RBM34: variants seen among roughly 807,000 people sequenced by gnomAD.
RBM34 encodes the protein RNA binding motif protein 34.
Under a neutral mutation model 44.6 loss-of-function variants are expected in RBM34, and 39 were observed. That is an observed-to-expected ratio of 0.87 (90% CI 0.68 to 1.14). RBM34 has a LOEUF of 1.14. RBM34 is among the 50% of genes most tolerant of loss of function. The pLI is 0.00. For synonymous variants in RBM34, 194 were observed against 184.0 expected (o/e 1.05, Z -0.44); for missense variants, 572 against 517.9 (o/e 1.10, Z -1.01).
chr1:235,138,593 C>G (rs1661536438), intron 6 of RBM34, among the ~76,000 whole-genome samples: 1 of 152,170 alleles, frequency 6.6e-6, no homozygotes, highest in African/African-American at 2.4e-5. Context: ...AGTGAATTAA[C>G]AACAGCTCAA....
chr1:235,149,526 T>G (rs1240276976), intron 5 of RBM34, among the ~76,000 whole-genome samples: 2 of 152,136 alleles, frequency 1.3e-5, no homozygotes, highest in Non-Finnish European at 2.9e-5. Context: ...ATCACCTGTA[T>G]CTCTAAGAGT....
At chr1:235,137,988 G>C in intron 7 of RBM34, 48 bp from the exon 8 acceptor site, 1 of 1,545,606 alleles carries the variant, frequency 6.5e-7, no homozygotes, top group South Asian at 1.1e-5. Context: ...ATGAGCACTC[G>C]ATTACTAAAA....
rs1329108068 is a variant in RBM34 at position 235,131,957 on chromosome 1, G to A, written c.1049C>T (p.Ser350Phe). The change falls in exon 11 of 11, where the codon TCT (serine) becomes TTT (phenylalanine). Residue 350 changes from serine to phenylalanine, a missense_variant. Physicochemically the swap from Ser to Phe is radical, Grantham distance 155. Coordinates refer to ENST00000408888, the MANE Select transcript of RBM34 (RefSeq NM_015014.4). ...TCTGAGTTTTCTCCCCATGAGTTCAGAATTATTTAATTTCAGAGCAAGATG... is the reference window on the plus strand; with the variant it reads ...TCTGAGTTTTCTCCCCATGAGTTCAAAATTATTTAATTTCAGAGCAAGATG... Reference protein sequence around the residue: ...SVHLALKLNNSELMGRKLRVM... With the variant: ...SVHLALKLNNFELMGRKLRVM... 1.9e-6 allele frequency: 3 copies of A among 1,605,008 alleles called. No homozygotes were observed. The highest frequency in any genetic ancestry group is 2.2e-5 in the South Asian group (2 of 89,966).
At chr1:235,148,267 C>T in intron 6 of RBM34, 137 bp downstream of exon 6, 1 of 524,790 alleles carries the variant, frequency 1.9e-6, no homozygotes, top group Admixed American at 4.2e-5. Flanking sequence ...CTCTCAAATA[C>T]AGAAGCAAAC....
chr1:235,156,620 T>C (rs1259615779), intron 3 of RBM34: 1 of 457,608 alleles, frequency 2.2e-6, no homozygotes, highest in South Asian at 1.6e-5. Flanking sequence ...AAACGGTAAA[T>C]ACAATATAAA....
chr1:235,155,342 CTCT>C (rs954571180), intron 3 of RBM34, among the ~76,000 whole-genome samples: 4 of 151,704 alleles, frequency 2.6e-5, no homozygotes, highest in Non-Finnish European at 5.9e-5. Flanking sequence ...AAAAGTTAAG[CTCT>C]TTTTTTTTTT....
intron 4 of RBM34, among the ~76,000 whole-genome samples, chr1:235,154,409 C>T (rs1162767410): frequency 6.9e-6 from 1 of 145,814 alleles, no homozygotes; most frequent in Non-Finnish European, 1.5e-5. Flanking sequence ...AAAAAAAACA[C>T]AAAAATTAGC....
At chr1:235,159,212 C>CAAAAAAAAA (rs1352095926) in intron 3 of RBM34, among the ~76,000 whole-genome samples, 1 of 84,630 alleles carries the variant, frequency 1.2e-5, no homozygotes, top group Non-Finnish European at 2.5e-5. Context: ...GACCTTGTCT[C>CAAAAAAAAA]AAAAAAAAAA....
intron 6 of RBM34, among the ~76,000 whole-genome samples, chr1:235,145,343 T>C (rs1015238552): frequency 6.0e-5 from 9 of 151,184 alleles, no homozygotes; most frequent in Admixed American, 4.0e-4. Context: ...AGTGGTGCAA[T>C]CATGGTTCAC....
chr1:235,138,022 A>T, intron 7 of RBM34, 69 bp downstream of exon 7: 1 of 1,540,964 alleles, frequency 6.5e-7, no homozygotes, highest in Non-Finnish European at 8.9e-7. Flanking sequence ...GTGAAACCAA[A>T]GAATAAAAAA....
At chr1:235,153,809 G>A (rs941631852) in intron 4 of RBM34, among the ~76,000 whole-genome samples, 13 of 152,180 alleles carry the variant, frequency 8.5e-5, no homozygotes, top group African/African-American at 2.9e-4. Context: ...GCTAAGGATT[G>A]CAACAGTTAC....
chr1:235,139,860 G>C (rs1347598180), intron 6 of RBM34, among the ~76,000 whole-genome samples: 1 of 152,178 alleles, frequency 6.6e-6, no homozygotes, highest in Non-Finnish European at 1.5e-5. Flanking sequence ...AAAATGCTGG[G>C]CACCAGACAA....
In RBM34 at chr1:235,149,388, CA is replaced by C. The variant is rs1171671362; in HGVS notation, c.658-942del. 5.7e-3 allele frequency among the ~76,000 whole-genome samples: 330 copies of C among 57,990 alleles called. 1 individual carries two copies. The highest frequency in any genetic ancestry group is 0.029 in the East Asian group (51 of 1,762). 38.0% of individuals were successfully genotyped at this position (57,990 alleles called of 152,430 possible). ...TGGGCGACAGAACGAGACTCCGTCT[CA>C]AAAAAAAAAAAAAAAAAAGGAAAAA... is the stretch of plus-strand genomic sequence containing the variant. On this transcript the variant is annotated intron_variant, in intron 5 of 10. Coordinates refer to ENST00000408888, the MANE Select transcript of RBM34 (RefSeq NM_015014.4).
chr1:235,135,541 G>A, intron 10 of RBM34, 111 bp downstream of exon 10: 1 of 980,226 alleles, frequency 1.0e-6, no homozygotes. Context: ...GTTTTCTTAA[G>A]ATGGAATTTG....
chr1:235,143,673 G>T (rs1190658538), intron 6 of RBM34, among the ~76,000 whole-genome samples: 1 of 152,176 alleles, frequency 6.6e-6, no homozygotes, highest in African/African-American at 2.4e-5. Flanking sequence ...GGGAGGTAGA[G>T]GTTGCAATTA....
intron 6 of RBM34, among the ~76,000 whole-genome samples, chr1:235,143,906 C>T (rs541277463): frequency 6.6e-6 from 1 of 152,208 alleles, no homozygotes; most frequent in East Asian, 1.9e-4. Flanking sequence ...CAGACAGGCA[C>T]GGTGGCTCAA....
rs1377118614 is a variant in RBM34, at chr1:235,131,798, AT to A, written c.1207del (p.Ile403LeufsTer50). ...TTTAAGGAGAACAGCTTTTTCTCCA[AT>A]AAATAAGCTTTTAGGATGTCCTTCT... ...TAEGHPKSLFIGEKAVLLKTK... is the reference protein window; with the variant it reads ...TAEGHPKSLFXGEKAVLLKTK... On this transcript the variant is annotated frameshift_variant, in exon 11 of 11. Transcript: ENST00000408888. LOFTEE classifies it high-confidence loss of function. The A allele has an allele frequency of 1.9e-6, 3 of 1,614,056 alleles. No individual in the cohort carries two copies. The highest frequency in any genetic ancestry group is 2.5e-6 in the Non-Finnish European group (3 of 1,179,992).
intron 6 of RBM34, among the ~76,000 whole-genome samples, chr1:235,146,999 G>A (rs1308855617): frequency 1.3e-5 from 2 of 152,206 alleles, no homozygotes; most frequent in African/African-American, 4.8e-5. Context: ...AGAAGGCTGA[G>A]GCAGAAGGAT....
chr1:235,155,201 G>C, intron 3 of RBM34, 89 bp from the exon 4 acceptor site: 2 of 1,027,956 alleles, frequency 1.9e-6, no homozygotes, highest in Non-Finnish European at 2.9e-6. Flanking sequence ...CTCCCGACTA[G>C]AAATATTTCC....
Sources: allele counts gnomAD v4.1 joint callset (sites outside exome capture counted in the v4.1 genomes callset), GRCh38; gene constraint gnomAD v4.1.1; transcripts MANE v1.5; gene names NCBI Gene and HGNC (gene_info 2026-07-23, HGNC 2026-07-21).